Variants in SHC3 observed in about 807,000 individuals in gnomAD.
The protein encoded by SHC3 is SHC adaptor protein 3.
In SHC3, 15 loss-of-function variants were observed where a neutral mutation model predicts 60.4. The observed-to-expected ratio is 0.25, with a 90% CI of 0.17 to 0.38. The LOEUF (loss-of-function observed/expected upper bound fraction) is 0.38. Among genes scored for constraint, SHC3 ranks in the 10% least tolerant of loss-of-function variants. The pLI, the probability that SHC3 is intolerant of heterozygous loss-of-function variation, is 1.00. For synonymous variants in SHC3, 294 were observed against 325.9 expected, an observed-to-expected ratio of 0.90 and a Z score of 1.05; for missense variants, 677 against 786.1, an observed-to-expected ratio of 0.86 and a Z score of 1.66.
At chr9:89,156,569 C>A (rs930626584) in intron 1 of SHC3, among the ~76,000 whole-genome samples, 5 of 151,306 alleles carry the variant, frequency 3.3e-5, no homozygotes, top group Non-Finnish European at 7.4e-5. Context: ...ACCACAACAA[C>A]AAAAAAAAAC....
rs1826010033 is a variant in SHC3 at position 89,011,220 on chromosome 9, C to G, written c.*2227G>C. On this transcript the variant is annotated 3_prime_UTR_variant, in exon 12 of 12. Transcript: ENST00000375835. ...TAAATTTTCTAAATTGATTCTCATG[C>G]AAAAAATATATATATTTTCTATCAC... 1 of 152,048 alleles carries G rather than the reference C, an allele frequency of 6.6e-6. No homozygotes were observed. The highest frequency in any genetic ancestry group is 2.1e-4 in the South Asian group (1 of 4,824). The allele number at this position is 152,048 out of a possible 1,614,324, so 9.4% of individuals were successfully genotyped here. A position where few individuals can be genotyped will look rare whatever the true frequency, so the allele number is the denominator to read the frequency against.
chr9:89,074,658 T>C lies in SHC3; in HGVS notation c.729+451A>G, dbSNP rs1482160217. ...TTATTACCCCTACAACACTATGTAC[T>C]ACAAGATGCTCCAAAACAATGAGCC... is the stretch of plus-strand genomic sequence containing the variant. On this transcript the variant is annotated intron_variant, in intron 4 of 11. Transcript: ENST00000375835. Among the ~76,000 whole-genome samples, 5 of 109,616 alleles carry C rather than the reference T, an allele frequency of 4.6e-5. No individual in the cohort carries two copies. In the Admixed American group the frequency reaches 6.9e-4, roughly 15 times the overall value. The allele number at this position is 109,616 out of a possible 152,430, so 71.9% of individuals were successfully genotyped here.
At chr9:89,084,018 C>T (rs1279332107) in intron 2 of SHC3, among the ~76,000 whole-genome samples, 2 of 152,202 alleles carry the variant, frequency 1.3e-5, no homozygotes, top group Non-Finnish European at 2.9e-5. Flanking sequence ...CATAACCAAA[C>T]CATTCGGAGA....
chr9:89,025,753 G>C (rs989631087), intron 11 of SHC3, among the ~76,000 whole-genome samples: 1 of 152,164 alleles, frequency 6.6e-6, no homozygotes, highest in African/African-American at 2.4e-5. Flanking sequence ...CAGATAGCAG[G>C]CCCTGAAAGA....
chr9:89,176,717 A>T (rs1055685683), intron 1 of SHC3, among the ~76,000 whole-genome samples: 8 of 152,260 alleles, frequency 5.3e-5, no homozygotes, highest in Admixed American at 1.3e-4. Context: ...CTTTGGTAAA[A>T]TATAATAATC....
intron 1 of SHC3, 56 bp from the exon 2 acceptor site, chr9:89,112,682 C>T (rs1825967547): frequency 2.0e-6 from 3 of 1,496,162 alleles, no homozygotes; most frequent in African/African-American, 1.4e-5. Flanking sequence ...AAAGAGACAA[C>T]TCCTAACTAT....
At chr9:89,017,030 C>T (rs1826108217) in intron 11 of SHC3, among the ~76,000 whole-genome samples, 1 of 152,128 alleles carries the variant, frequency 6.6e-6, no homozygotes, top group Admixed American at 6.5e-5. Flanking sequence ...ATTCCATGCT[C>T]ATGGATAGGA....
At chr9:89,104,472 G>T (rs1012867962) in intron 2 of SHC3, among the ~76,000 whole-genome samples, 1 of 152,208 alleles carries the variant, frequency 6.6e-6, no homozygotes, top group Non-Finnish European at 1.5e-5. Flanking sequence ...AAAATGAAAT[G>T]ATTTAAGTAT....
intron 11 of SHC3, among the ~76,000 whole-genome samples, chr9:89,026,166 A>G (rs1270869394): frequency 6.7e-6 from 1 of 150,136 alleles, no homozygotes; most frequent in Admixed American, 6.7e-5. Context: ...AGGCAGAAGA[A>G]TGGCTTGAAC....
chr9:89,078,047 ATTC>A (rs892492692), intron 2 of SHC3, 144 bp from the exon 3 acceptor site: 4 of 889,062 alleles, frequency 4.5e-6, no homozygotes, highest in African/African-American at 3.4e-5. Flanking sequence ...GAGTCATCCG[ATTC>A]TTCTTCTAAA....
intron 2 of SHC3, among the ~76,000 whole-genome samples, chr9:89,095,992 A>G (rs1048312165): frequency 6.6e-6 from 1 of 152,158 alleles, no homozygotes; most frequent in African/African-American, 2.4e-5. Context: ...CTCCGCAGCT[A>G]TTAAAAGGCT....
chr9:89,047,119 G>T, intron 7 of SHC3, 125 bp from the exon 8 acceptor site: 1 of 917,594 alleles, frequency 1.1e-6, no homozygotes, highest in Non-Finnish European at 1.5e-6. Context: ...CAGCCATCCA[G>T]GTCTCATGCA....
At chr9:89,172,516 C>G (rs1826883470) in intron 1 of SHC3, among the ~76,000 whole-genome samples, 1 of 151,960 alleles carries the variant, frequency 6.6e-6, no homozygotes, top group Admixed American at 6.6e-5. Context: ...CCATCACACA[C>G]ACACAGACAC....
At chr9:89,040,096 G>GCATCATCACCACCATCATCAC (rs1564092668) in intron 10 of SHC3, among the ~76,000 whole-genome samples, 4 of 133,382 alleles carry the variant, frequency 3.0e-5, no homozygotes, top group African/African-American at 1.1e-4. Flanking sequence ...ACCATCATCA[G>GCATCATCACCACCATCATCAC]CATCATCACC....
At chr9:89,129,194 A>G (rs1826206869) in intron 1 of SHC3, among the ~76,000 whole-genome samples, 1 of 152,180 alleles carries the variant, frequency 6.6e-6, no homozygotes, top group African/African-American at 2.4e-5. Flanking sequence ...AAGTGAGAAG[A>G]GAAGTTTAGA....
intron 1 of SHC3, among the ~76,000 whole-genome samples, chr9:89,170,821 G>A (rs60643043): frequency 0.022 from 3,395 of 152,200 alleles, 54 homozygotes; most frequent in Middle Eastern, 0.058. Flanking sequence ...ATAGATATTC[G>A]TAATCTAGAG....
At chr9:89,084,565 G>A (rs1564130039) in intron 2 of SHC3, among the ~76,000 whole-genome samples, 1 of 152,180 alleles carries the variant, frequency 6.6e-6, no homozygotes, top group Non-Finnish European at 1.5e-5. Context: ...TGAGGTCACA[G>A]GTCATGTCAC....
rs1263945357 is a variant in SHC3, at chr9:89,038,342, T to A, written c.1361-54A>T. On this transcript the variant is annotated intron_variant, in intron 10 of 11. Transcript: ENST00000375835. Reference sequence around the variant, plus strand: ...AGTCAATCCCAAGAAGAGCAAATGATAAAAAAAAAAAAAAAAAAATACAGT... The same window carrying A: ...AGTCAATCCCAAGAAGAGCAAATGAAAAAAAAAAAAAAAAAAAAATACAGT... 1,182 of 1,231,184 alleles carry A rather than the reference T, an allele frequency of 9.6e-4. No individual in the cohort carries two copies. Among genetic ancestry groups the A allele is most frequent in the South Asian group, 4.0e-3 (217 of 53,726 alleles). The allele number at this position is 1,231,184 out of a possible 1,614,324, so 76.3% of individuals were successfully genotyped here.
chr9:89,041,511 A>G (rs1824686377), intron 10 of SHC3, among the ~76,000 whole-genome samples: 1 of 152,222 alleles, frequency 6.6e-6, no homozygotes, highest in African/African-American at 2.4e-5. Context: ...TGAGCAAGAG[A>G]GAAAAAAGGA....
Sources: allele counts gnomAD v4.1 joint callset (sites outside exome capture counted in the v4.1 genomes callset), GRCh38; gene constraint gnomAD v4.1.1; transcripts MANE v1.5; gene names NCBI Gene and HGNC (gene_info 2026-07-23, HGNC 2026-07-21).